LGALS13: variants seen among roughly 807,000 people sequenced by gnomAD.
The protein encoded by LGALS13 is galactoside-binding soluble lectin 13.
LGALS13 carries 11 observed loss-of-function variants against 13.2 expected under a neutral mutation model. The observed-to-expected ratio is 0.83, with a 90% CI of 0.52 to 1.38. LGALS13 has a LOEUF of 1.38. Among genes scored for constraint, LGALS13 ranks in the 40% most tolerant of loss-of-function variants. The pLI is 0.00. For missense variants in LGALS13, 183 were observed against 174.3 expected, an observed-to-expected ratio of 1.05 and a Z score of -0.28; for synonymous variants, 71 against 63.7, an observed-to-expected ratio of 1.11 and a Z score of -0.54.
chr19:39,606,354 C>T (rs1206540991), intron 3 of LGALS13, among the ~76,000 whole-genome samples: 1 of 152,148 alleles, frequency 6.6e-6, no homozygotes, highest in Non-Finnish European at 1.5e-5. Flanking sequence ...AAGAAGTTTA[C>T]CCAAAGTTGT....
chr19:39,607,179 G>T (rs780191042), intron 3 of LGALS13, 44 bp from the exon 4 acceptor site: 7 of 1,468,792 alleles, frequency 4.8e-6, no homozygotes, highest in South Asian at 1.1e-5. Flanking sequence ...CCGAAAACTT[G>T]TTTGGTGGCA....
chr19:39,605,266 CAT>C lies in LGALS13; in HGVS notation c.182_183del (p.His61ArgfsTer7), dbSNP rs1171526430. 6.2e-7 allele frequency: 1 copy of C among 1,614,178 alleles called. No homozygotes were observed. Among genetic ancestry groups the C allele is most frequent in the East Asian group, 2.2e-5 (1 of 44,890 alleles). On this transcript the variant is annotated frameshift_variant, in exon 3 of 4. Coordinates refer to ENST00000221797, the MANE Select transcript of LGALS13 (RefSeq NM_013268.3). LOFTEE classifies it high-confidence loss of function. ...AFRFRVHFGN[H>X]VVMNRREFGI... The stretch of plus-strand genomic sequence containing the variant: ...CCGTTTCCGAGTGCACTTTGGCAAT[CAT>C]GTGGTCATGAACAGGCGTGAGTTTG...
At chr19:39,605,909 T>C (rs531704386) in intron 3 of LGALS13, among the ~76,000 whole-genome samples, 6 of 152,174 alleles carry the variant, frequency 3.9e-5, no homozygotes, top group African/African-American at 1.4e-4. Context: ...TGCAGTGGCA[T>C]GATATCAGCT....
chr19:39,605,313 G>A lies in LGALS13; in HGVS notation c.228G>A (p.Glu76=). Residue 76 remains glutamate, a synonymous_variant, in exon 3 of 4, where the codon GAG becomes GAA. Coordinates refer to ENST00000221797, the MANE Select transcript of LGALS13 (RefSeq NM_013268.3). ...RREFGIWMLE[E]TTDYVPFEDG... ...AGTTTGGGATATGGATGTTGGAGGA[G>A]ACAACAGACTACGTGCCCTTTGAGG... is the stretch of plus-strand genomic sequence containing the variant. 1.2e-6 allele frequency: 2 copies of A among 1,614,222 alleles called. No homozygotes were observed. Among genetic ancestry groups the A allele is most frequent in the Non-Finnish European group, 1.7e-6 (2 of 1,180,028 alleles).
chr19:39,604,720 G>A, intron 2 of LGALS13, 42 bp downstream of exon 2: 1 of 1,609,070 alleles, frequency 6.2e-7, no homozygotes, highest in East Asian at 2.2e-5. Context: ...GAGAAGAAGG[G>A]AGAATATTTG....
At chr19:39,604,106 A>G (rs1208301116) in intron 1 of LGALS13, 2 of 463,068 alleles carry the variant, frequency 4.3e-6, no homozygotes, top group Non-Finnish European at 5.7e-6. Flanking sequence ...ACTGGAGTGA[A>G]TGTTTAAATT....
At chr19:39,604,512 T>A in intron 1 of LGALS13, 90 bp from the exon 2 acceptor site, 1 of 1,450,714 alleles carries the variant, frequency 6.9e-7, no homozygotes, top group Non-Finnish European at 9.6e-7. Flanking sequence ...TGCCCTTTCA[T>A]CTCCAACCTC....
At chr19:39,603,306 A>C (rs1289136518) in intron 1 of LGALS13, among the ~76,000 whole-genome samples, 5 of 152,154 alleles carry the variant, frequency 3.3e-5, no homozygotes, top group Non-Finnish European at 5.9e-5. Flanking sequence ...TGGGGTCTGC[A>C]CAGAGTGACC....
chr19:39,605,743 C>T (rs185127305), intron 3 of LGALS13, among the ~76,000 whole-genome samples: 10 of 152,232 alleles, frequency 6.6e-5, no homozygotes, highest in Admixed American at 5.2e-4. Flanking sequence ...TTTAATCAGT[C>T]ACAAATTAAG....
intron 3 of LGALS13, among the ~76,000 whole-genome samples, 179 bp from the exon 4 acceptor site, chr19:39,607,044 C>T (rs952569412): frequency 1.6e-4 from 24 of 152,086 alleles, no homozygotes; most frequent in South Asian, 2.1e-4. Flanking sequence ...GAAATAAAGT[C>T]GGGTACTGTC....
Position 39,605,252 on chromosome 19 carries a change from T to C in LGALS13, c.167T>C (p.Val56Ala). 1.2e-6 allele frequency: 2 copies of C among 1,614,222 alleles called. No homozygotes were observed. The highest frequency in any genetic ancestry group is 1.3e-5 in the African/African-American group (1 of 75,068). The stretch of plus-strand genomic sequence containing the variant: ...TCAGATATTGCCTTCCGTTTCCGAG[T>C]GCACTTTGGCAATCATGTGGTCATG... ...EDSDIAFRFR[V>A]HFGNHVVMNR... Residue 56 changes from valine to alanine, a missense_variant, in exon 3 of 4, where the codon GTG (valine) becomes GCG (alanine). Val to Ala is a moderately conservative substitution (Grantham distance 64). Transcript: ENST00000221797.
intron 1 of LGALS13, among the ~76,000 whole-genome samples, chr19:39,603,183 C>T (rs966282605): frequency 1.3e-5 from 2 of 152,084 alleles, no homozygotes; most frequent in African/African-American, 4.8e-5. Flanking sequence ...TTGTGAGTTA[C>T]CAAGGACTTA....
At chr19:39,606,932 C>A (rs1456467390) in intron 3 of LGALS13, among the ~76,000 whole-genome samples, 2 of 152,144 alleles carry the variant, frequency 1.3e-5, no homozygotes, top group Non-Finnish European at 2.9e-5. Context: ...GAGACACAGT[C>A]CCTGGCGATG....
chr19:39,604,956 C>G (rs1030236191), intron 2 of LGALS13: 4 of 661,160 alleles, frequency 6.0e-6, no homozygotes, highest in Non-Finnish European at 1.1e-5. Context: ...GTCATAGGCC[C>G]AGGTCAGTGA....
intron 1 of LGALS13, among the ~76,000 whole-genome samples, chr19:39,602,798 G>A (rs1568471899): frequency 6.6e-6 from 1 of 152,228 alleles, no homozygotes; most frequent in Non-Finnish European, 1.5e-5. Flanking sequence ...CGGTGAGTGT[G>A]AGGTGGTGTC....
chr19:39,604,503 G>A (rs1972650235), intron 1 of LGALS13, 99 bp from the exon 2 acceptor site: 2 of 1,311,726 alleles, frequency 1.5e-6, no homozygotes, highest in Middle Eastern at 2.0e-4. Flanking sequence ...CACAGAGTCT[G>A]CCCTTTCATC....
Position 39,605,349 on chromosome 19 carries a change from A to G in LGALS13, c.264A>G (p.Gln88=). 6.2e-7 allele frequency: 1 copy of G among 1,614,172 alleles called. No homozygotes were observed. The highest frequency in any genetic ancestry group is 1.1e-5 in the South Asian group (1 of 91,082). ...ACGTGCCCTTTGAGGATGGCAAACA[A>G]TTTGAGCTGTGCATCTACGTACATT... ...TDYVPFEDGK[Q]FELCIYVHYN... is the part of the protein sequence containing the mutation. The change falls in exon 3 of 4, where the codon CAA becomes CAG. Residue 88 remains glutamine, a synonymous_variant. Coordinates refer to ENST00000221797, the MANE Select transcript of LGALS13 (RefSeq NM_013268.3).
intron 3 of LGALS13, 32 bp downstream of exon 3, chr19:39,605,420 C>T (rs752185951): frequency 8.7e-5 from 137 of 1,573,086 alleles, no homozygotes; most frequent in Non-Finnish European, 1.2e-4. Flanking sequence ...AGCACCCAGG[C>T]TCTGTGGGCT....
Position 39,604,939 on chromosome 19 carries a change from T to C in LGALS13, c.93-239T>C, listed in dbSNP as rs542497640. Among the ~76,000 whole-genome samples the C allele has an allele frequency of 6.4e-4, 98 of 152,322 alleles. 1 individual carries two copies. Among genetic ancestry groups the C allele is most frequent in the Non-Finnish European group, 1.1e-3 (77 of 68,022 alleles). On this transcript the variant is annotated intron_variant, in intron 2 of 3. Coordinates refer to ENST00000221797, the MANE Select transcript of LGALS13 (RefSeq NM_013268.3). ...TCAGGGGGCATAGAATTTTCGGGAA[T>C]GAACAAGTCATAGGCCCAGGTCAGT...
Sources: gnomAD v4.1 joint callset for allele counts (sites outside exome capture counted in the v4.1 genomes callset) on GRCh38, gnomAD v4.1.1 for gene constraint, MANE v1.5 for transcripts, NCBI Gene and HGNC (gene_info 2026-07-23, HGNC 2026-07-21) for gene names.